SH3BP4: variants seen among roughly 807,000 people sequenced by gnomAD.
The protein encoded by SH3BP4 is SH3 domain-binding protein 4.
In SH3BP4, 33 loss-of-function variants were observed where a neutral mutation model predicts 65.5. The observed-to-expected ratio is 0.50, with a 90% CI of 0.38 to 0.67. The LOEUF is 0.67. Ranked by LOEUF, SH3BP4 falls within the 30% of genes least tolerant of loss-of-function variation. The pLI is 0.00. For missense variants in SH3BP4, 1,134 were observed against 1,261.4 expected (o/e 0.90, Z 1.53); for synonymous variants, 552 against 545.5 (o/e 1.01, Z -0.17).
chr2:235,044,091 G>A (rs914028387), intron 4 of SH3BP4, among the ~76,000 whole-genome samples: 8 of 152,350 alleles, frequency 5.3e-5, no homozygotes, highest in South Asian at 4.1e-4. Context: ...CCCACGAACC[G>A]CTGCCCCAAA....
chr2:234,953,713 C>T (rs1474967796), intron 1 of SH3BP4, among the ~76,000 whole-genome samples: 1 of 152,140 alleles, frequency 6.6e-6, no homozygotes, highest in Non-Finnish European at 1.5e-5. Context: ...TACTGTTCCT[C>T]ATTGCAGTGG....
In SH3BP4 at chr2:234,978,488, C is replaced by A. The variant is rs1329458236; in HGVS notation, c.-206-16815C>A. Among the ~76,000 whole-genome samples, 1 of 152,224 alleles carries A rather than the reference C, an allele frequency of 6.6e-6. No homozygotes were observed. Among genetic ancestry groups the A allele is most frequent in the Non-Finnish European group, 1.5e-5 (1 of 68,036 alleles). ...CCCCACTGGTCATCCGTCCAGCACT[C>A]TGTGCTCGCTGACTGGTGCGGTGAA... On this transcript the variant is annotated intron_variant, in intron 1 of 5. Coordinates refer to ENST00000392011, the MANE Select transcript of SH3BP4 (RefSeq NM_014521.3). The surrounding 1 kb of genome is among the most constrained non-coding windows in gnomAD (Gnocchi z 4.1).
At chr2:235,048,430 A>G (rs1317013043) in intron 4 of SH3BP4, among the ~76,000 whole-genome samples, 1 of 152,056 alleles carries the variant, frequency 6.6e-6, no homozygotes, top group Non-Finnish European at 1.5e-5. Flanking sequence ...TCCTGGGCTC[A>G]AGCAGTCCTC....
intron 2 of SH3BP4, among the ~76,000 whole-genome samples, chr2:234,998,104 C>T (rs1288413837): frequency 6.6e-6 from 1 of 151,990 alleles, no homozygotes; most frequent in Non-Finnish European, 1.5e-5. Flanking sequence ...GCCTGGGCGA[C>T]AGAGCGAGAC....
In SH3BP4 at chr2:234,967,551, C is replaced by A. The variant is rs1692872673; in HGVS notation, c.-207+15381C>A. Among the ~76,000 whole-genome samples the A allele has an allele frequency of 6.6e-6, 1 of 152,216 alleles. No homozygotes were observed. On this transcript the variant is annotated intron_variant, in intron 1 of 5. Coordinates refer to ENST00000392011, the MANE Select transcript of SH3BP4 (RefSeq NM_014521.3). This position sits in a 1 kb window ranked among gnomAD's most constrained non-coding sequence, Gnocchi z 4.6. The stretch of plus-strand genomic sequence containing the variant: ...TCCAGCCCTGCAGCTTCTGCAGCAG[C>A]CTTGCACTTCCCTAAGTGGTATTGG...
intron 2 of SH3BP4, among the ~76,000 whole-genome samples, chr2:235,001,947 G>A (rs183292957): frequency 6.6e-6 from 1 of 152,132 alleles, no homozygotes; most frequent in South Asian, 2.1e-4. Flanking sequence ...TGCAACCTCC[G>A]CCTCCCGGGT....
intron 1 of SH3BP4, among the ~76,000 whole-genome samples, chr2:234,956,406 C>A (rs1309326027): frequency 6.6e-6 from 1 of 152,198 alleles, no homozygotes; most frequent in African/African-American, 2.4e-5. Flanking sequence ...TTATTCTTAT[C>A]TGCGCAATAA....
chr2:234,990,257 A>G (rs774691863), intron 1 of SH3BP4, among the ~76,000 whole-genome samples: 1 of 152,158 alleles, frequency 6.6e-6, no homozygotes, highest in Non-Finnish European at 1.5e-5. Context: ...GCTCTGATGT[A>G]TGGTGGTGGG....
At chr2:234,965,943 G>A (rs1692824655) in intron 1 of SH3BP4, among the ~76,000 whole-genome samples, 1 of 152,192 alleles carries the variant, frequency 6.6e-6, no homozygotes, top group South Asian at 2.1e-4. Context: ...CTCGCAAATG[G>A]GGTCTGGAAG....
At chr2:235,003,293 C>G (rs1453076332) in intron 2 of SH3BP4, among the ~76,000 whole-genome samples, 1 of 152,230 alleles carries the variant, frequency 6.6e-6, no homozygotes, top group Non-Finnish European at 1.5e-5. Flanking sequence ...TGGCCAGGGC[C>G]TAGCTCTCAA....
intron 2 of SH3BP4, among the ~76,000 whole-genome samples, chr2:235,027,708 T>TA: frequency 6.6e-6 from 1 of 152,168 alleles, no homozygotes; most frequent in Non-Finnish European, 1.5e-5. Flanking sequence ...GGGCAGCATT[T>TA]ATGCCTCGAT....
Position 235,030,978 on chromosome 2 carries a change from T to A in SH3BP4, c.-132-3893T>A, listed in dbSNP as rs1472528392. Among the ~76,000 whole-genome samples, 2 of 152,162 alleles carry A rather than the reference T, an allele frequency of 1.3e-5. No individual in the cohort carries two copies. Among genetic ancestry groups the A allele is most frequent in the Non-Finnish European group, 2.9e-5 (2 of 68,002 alleles). On this transcript the variant is annotated intron_variant, in intron 2 of 5. Transcript: ENST00000392011. This position sits in a 1 kb window ranked among gnomAD's most constrained non-coding sequence, Gnocchi z 4.1. ...TGAATGTCTGGATGGGTGTTACAGC[T>A]ACACTCAAGGATGGCCTCCCTCTGG...
At chr2:234,999,624 T>C (rs1242608037) in intron 2 of SH3BP4, among the ~76,000 whole-genome samples, 1 of 152,200 alleles carries the variant, frequency 6.6e-6, no homozygotes, top group East Asian at 1.9e-4. Context: ...GTTACATAAA[T>C]CAATTTCCTT....
rs577008983 is a variant in SH3BP4 at position 235,030,424 on chromosome 2, G to A, written c.-132-4447G>A. On this transcript the variant is annotated intron_variant, in intron 2 of 5. Coordinates refer to ENST00000392011, the MANE Select transcript of SH3BP4 (RefSeq NM_014521.3). The surrounding 1 kb of genome is among the most constrained non-coding windows in gnomAD (Gnocchi z 4.1). ...TAAAGTGCAGCCAAGTCTGGTACCT[G>A]CTGCCTAGGGCCCTTGAGGACGCAG... 2.5e-4 allele frequency among the ~76,000 whole-genome samples: 38 copies of A among 152,320 alleles called. No homozygotes were observed. The highest frequency in any genetic ancestry group is 8.9e-4 in the African/African-American group (37 of 41,572).
At chr2:234,975,483 C>G (rs1326407665) in intron 1 of SH3BP4, among the ~76,000 whole-genome samples, 6 of 152,316 alleles carry the variant, frequency 3.9e-5, no homozygotes, top group Admixed American at 3.9e-4. Flanking sequence ...TTCTAGAATC[C>G]TACCTGCAAG....
Position 235,042,607 on chromosome 2 carries a change from C to A in SH3BP4, c.1838C>A (p.Pro613His). The A allele has an allele frequency of 6.2e-7, 1 of 1,614,080 alleles. No homozygotes were observed. Among genetic ancestry groups the A allele is most frequent in the Non-Finnish European group, 8.5e-7 (1 of 1,180,008 alleles). ...QFCVQTPQPP[P>H]KSAIKPSGQR... ...TGTGTCCAGACTCCTCAGCCACCCCCTAAAAGTGCCATCAAGCCTTCCGGG... is the reference window on the plus strand; with the variant it reads ...TGTGTCCAGACTCCTCAGCCACCCCATAAAAGTGCCATCAAGCCTTCCGGG... The change falls in exon 4 of 6, where the codon CCT becomes CAT. Residue 613 changes from proline (P) to histidine (H), a missense_variant. Coordinates refer to ENST00000392011, the MANE Select transcript of SH3BP4 (RefSeq NM_014521.3). This position sits in a 1 kb window ranked among gnomAD's most constrained non-coding sequence, Gnocchi z 7.3.
intron 2 of SH3BP4, among the ~76,000 whole-genome samples, chr2:234,996,796 G>A (rs1209497909): frequency 2.0e-5 from 3 of 152,326 alleles, no homozygotes; most frequent in Non-Finnish European, 4.4e-5. Context: ...TTCTCTTTGG[G>A]CCCCCACATG....
chr2:234,988,351 A>G (rs189525927), intron 1 of SH3BP4, among the ~76,000 whole-genome samples: 3,228 of 151,870 alleles, frequency 0.021, 90 homozygotes, highest in African/African-American at 0.067. Context: ...GAGCCACCAC[A>G]CCCGGCCCGC....
intron 4 of SH3BP4, among the ~76,000 whole-genome samples, chr2:235,043,815 G>A (rs1002053191): frequency 1.3e-5 from 2 of 152,288 alleles, no homozygotes; most frequent in Admixed American, 1.3e-4. Context: ...CCCGCTGCCT[G>A]GGATATACGT....
Sources: allele counts gnomAD v4.1 joint callset (sites outside exome capture counted in the v4.1 genomes callset), GRCh38; gene constraint gnomAD v4.1.1; non-coding constraint Gnocchi (gnomAD v3.1); transcripts MANE v1.5; gene names NCBI Gene and HGNC (gene_info 2026-07-23, HGNC 2026-07-21).